The following PPARGC1A variants were observed in gnomAD, a reference collection of about 807,000 sequenced individuals.
The protein encoded by PPARGC1A is PPARG coactivator 1 alpha, also known as peroxisome proliferator-activated receptor gamma coactivator 1-alpha.
Under a neutral mutation model 88.7 loss-of-function variants are expected in PPARGC1A, and 25 were observed. The ratio of observed to expected loss-of-function variants is 0.28; its 90% CI spans 0.21 to 0.39. The LOEUF (loss-of-function observed/expected upper bound fraction) is 0.39. Among genes scored for constraint, PPARGC1A ranks in the 10% least tolerant of loss-of-function variants. The probability of loss-of-function intolerance (pLI) is 1.00; values close to 1 mark genes in which losing one functional copy is unlikely to be tolerated. For synonymous variants in PPARGC1A, 363 were observed against 355.6 expected (o/e 1.02, Z -0.24); for missense variants, 880 against 968.7 (o/e 0.91, Z 1.22).
chr4:24,412,712 C>T, the PPARGC1A span, among the ~76,000 whole-genome samples: 1 of 152,180 alleles, frequency 6.6e-6, no homozygotes, highest in Non-Finnish European at 1.5e-5. Context: ...GAACCCCTGA[C>T]CTCATGATCC....
At chr4:24,345,402 G>T in the PPARGC1A span, among the ~76,000 whole-genome samples, 1 of 152,036 alleles carries the variant, frequency 6.6e-6, no homozygotes, top group African/African-American at 2.4e-5. Context: ...CATGGGATGT[G>T]TTCCTATTTG....
chr4:24,001,033 ACAC>A, the PPARGC1A span, among the ~76,000 whole-genome samples: 1 of 152,228 alleles, frequency 6.6e-6, no homozygotes, highest in Non-Finnish European at 1.5e-5. Context: ...TGCTCTTATT[ACAC>A]TTTCCTTTTT....
chr4:24,220,550 G>T, the PPARGC1A span, among the ~76,000 whole-genome samples: 2 of 152,326 alleles, frequency 1.3e-5, no homozygotes, highest in Admixed American at 1.3e-4. Context: ...CCATAAAAAT[G>T]AATGAAATCA....
chr4:24,413,530 G>A, the PPARGC1A span, among the ~76,000 whole-genome samples: 8 of 152,098 alleles, frequency 5.3e-5, no homozygotes, highest in Admixed American at 1.3e-4. Flanking sequence ...GGATCAAGTC[G>A]CCGAAATAAT....
intron 12 of PPARGC1A, among the ~76,000 whole-genome samples, chr4:23,798,936 C>T (rs563270960): frequency 3.3e-5 from 5 of 152,156 alleles, no homozygotes; most frequent in African/African-American, 1.2e-4. Context: ...ATTGTAGTCA[C>T]CATTATCTAG....
At chr4:24,230,815 T>C in the PPARGC1A span, among the ~76,000 whole-genome samples, 2 of 152,028 alleles carry the variant, frequency 1.3e-5, no homozygotes, top group African/African-American at 4.8e-5. Flanking sequence ...ACATGTTAAA[T>C]AGTGATTTCA....
At chr4:24,033,159 C>T in the PPARGC1A span, among the ~76,000 whole-genome samples, 117 of 152,190 alleles carry the variant, frequency 7.7e-4, no homozygotes, top group African/African-American at 2.7e-3. Flanking sequence ...GGTCTGTGTC[C>T]CAAGTCCACC....
chr4:24,122,948 T>C, the PPARGC1A span, among the ~76,000 whole-genome samples: 1 of 152,222 alleles, frequency 6.6e-6, no homozygotes, highest in Non-Finnish European at 1.5e-5. Flanking sequence ...ATGGGCATAA[T>C]TTAGAATTGG....
the PPARGC1A span, among the ~76,000 whole-genome samples, chr4:24,279,047 T>C: frequency 3.3e-5 from 5 of 152,344 alleles, no homozygotes; most frequent in East Asian, 9.6e-4. Flanking sequence ...AACATTGGTG[T>C]TAGCATTGTC....
At chr4:24,129,552 G>A in the PPARGC1A span, among the ~76,000 whole-genome samples, 7 of 152,288 alleles carry the variant, frequency 4.6e-5, no homozygotes, top group Middle Eastern at 3.4e-3. Flanking sequence ...TAATAATGGT[G>A]TAATCTAGTT....
the PPARGC1A span, among the ~76,000 whole-genome samples, chr4:24,039,666 C>T: frequency 6.6e-6 from 1 of 152,102 alleles, no homozygotes; most frequent in Non-Finnish European, 1.5e-5. Context: ...GATGCACAAG[C>T]TACTTAATCT....
chr4:24,348,025 T>C, the PPARGC1A span, among the ~76,000 whole-genome samples: 1 of 152,182 alleles, frequency 6.6e-6, no homozygotes, highest in Non-Finnish European at 1.5e-5. Flanking sequence ...TTTCAGCATG[T>C]GTTTGTCTGA....
the PPARGC1A span, among the ~76,000 whole-genome samples, chr4:23,924,848 G>T: frequency 2.4e-4 from 36 of 152,152 alleles, 1 homozygote; most frequent in East Asian, 7.0e-3. Context: ...TTTCTCTCCT[G>T]CTCTGTCCCC....
the PPARGC1A span, among the ~76,000 whole-genome samples, chr4:24,332,159 A>G: frequency 6.6e-6 from 1 of 150,840 alleles, no homozygotes; most frequent in Non-Finnish European, 1.5e-5. Context: ...TTTTTCTTTT[A>G]TAGAGACAGG....
At chr4:24,413,307 CAACGCAGAATG>C in the PPARGC1A span, among the ~76,000 whole-genome samples, 1 of 143,764 alleles carries the variant, frequency 7.0e-6, no homozygotes, top group Admixed American at 7.2e-5. Context: ...GAGATAAAAG[CAACGCAGAATG>C]AATAAAGGAA....
At chr4:24,249,499 T>C in the PPARGC1A span, among the ~76,000 whole-genome samples, 286 of 152,316 alleles carry the variant, frequency 1.9e-3, 2 homozygotes, top group African/African-American at 6.6e-3. Context: ...GGACTCACTG[T>C]GGGCAGTGGC....
At chr4:24,258,401 T>C in the PPARGC1A span, among the ~76,000 whole-genome samples, 1 of 152,290 alleles carries the variant, frequency 6.6e-6, no homozygotes, top group African/African-American at 2.4e-5. Flanking sequence ...CATTTTGGCC[T>C]TCCCCATCAC....
chr4:24,053,971 T>A, the PPARGC1A span, among the ~76,000 whole-genome samples: 1 of 152,038 alleles, frequency 6.6e-6, no homozygotes, highest in Non-Finnish European at 1.5e-5. Context: ...CAGAACACCA[T>A]GAAGATATGA....
chr4:23,914,664 T>C, the PPARGC1A span, among the ~76,000 whole-genome samples: 1 of 152,280 alleles, frequency 6.6e-6, no homozygotes, highest in Non-Finnish European at 1.5e-5. Flanking sequence ...GACAGATATC[T>C]TCAAAATTGT....
Sources: gnomAD v4.1 joint callset for allele counts (sites outside exome capture counted in the v4.1 genomes callset) on GRCh38, gnomAD v4.1.1 for gene constraint, MANE v1.5 for transcripts, NCBI Gene and HGNC (gene_info 2026-07-23, HGNC 2026-07-21) for gene names.